Variants in VIT observed in about 807,000 individuals in gnomAD.
The protein encoded by VIT is vitrin.
A neutral mutation model predicts 78.0 loss-of-function variants in VIT; 99 were observed. That is an observed-to-expected ratio of 1.27 (90% CI 1.08 to 1.50). The LOEUF (loss-of-function observed/expected upper bound fraction) is 1.50, where lower values mean the gene tolerates loss of function less well. Among genes scored for constraint, VIT ranks in the 40% most tolerant of loss-of-function variants. The pLI, the probability that VIT is intolerant of heterozygous loss-of-function variation, is 0.00. For synonymous variants in VIT, 374 were observed against 334.3 expected, an observed-to-expected ratio of 1.12 and a Z score of -1.29; for missense variants, 1,126 against 875.3, an observed-to-expected ratio of 1.29 and a Z score of -3.61.
intron 2 of VIT, among the ~76,000 whole-genome samples, chr2:36,721,059 G>A (rs1666477511): frequency 6.6e-6 from 1 of 151,720 alleles, no homozygotes; most frequent in South Asian, 2.1e-4. Flanking sequence ...AATATGTTCT[G>A]GTGATCTAAT....
chr2:36,802,793 G>C (rs1481206211), intron 13 of VIT, among the ~76,000 whole-genome samples: 1 of 152,204 alleles, frequency 6.6e-6, no homozygotes, highest in Non-Finnish European at 1.5e-5. Flanking sequence ...GTATTGTCCA[G>C]AGTTTGGGTT....
chr2:36,761,065 G>A (rs1669088726), intron 6 of VIT, among the ~76,000 whole-genome samples: 1 of 152,112 alleles, frequency 6.6e-6, no homozygotes, highest in Non-Finnish European at 1.5e-5. Flanking sequence ...ATGAGTGGAA[G>A]AGCACTTCTA....
chr2:36,786,626 G>T (rs1045723287), intron 11 of VIT, among the ~76,000 whole-genome samples: 2 of 152,234 alleles, frequency 1.3e-5, no homozygotes, highest in Non-Finnish European at 2.9e-5. Flanking sequence ...CCAGGGAAAT[G>T]AAGGAGAAGA....
intron 4 of VIT, among the ~76,000 whole-genome samples, chr2:36,747,990 C>T (rs532276879): frequency 6.6e-6 from 1 of 152,148 alleles, no homozygotes; most frequent in African/African-American, 2.4e-5. Context: ...TGAAGCTTAG[C>T]TTGGCAGAAT....
chr2:36,710,732 A>G (rs753888844), intron 1 of VIT, among the ~76,000 whole-genome samples: 3 of 152,208 alleles, frequency 2.0e-5, no homozygotes, highest in Non-Finnish European at 4.4e-5. Context: ...TTATGTATCA[A>G]TCGTTCATTC....
At chr2:36,766,984 C>T (rs2148584961) in intron 6 of VIT, 110 bp from the exon 7 acceptor site, 1 of 1,260,394 alleles carries the variant, frequency 7.9e-7, no homozygotes, top group Middle Eastern at 2.3e-4. Flanking sequence ...CCGTGGCTAG[C>T]ACAGCTCTGT....
At chr2:36,728,034 T>G (rs1022061314) in intron 2 of VIT, among the ~76,000 whole-genome samples, 4 of 152,162 alleles carry the variant, frequency 2.6e-5, no homozygotes, top group Non-Finnish European at 5.9e-5. Flanking sequence ...GTTCAAGCGA[T>G]TCTCCTGCCT....
At chr2:36,788,066 C>A (rs942132757) in intron 12 of VIT, 14 of 277,360 alleles carry the variant, frequency 5.0e-5, no homozygotes, top group Middle Eastern at 1.3e-3. Context: ...CGTGCATAAT[C>A]TTAAATTTAT....
intron 1 of VIT, among the ~76,000 whole-genome samples, chr2:36,709,217 A>G (rs887875730): frequency 3.3e-5 from 5 of 152,162 alleles, no homozygotes; most frequent in Non-Finnish European, 7.3e-5. Context: ...AGATGGAGTA[A>G]GTGCACGTAC....
At chr2:36,765,434 A>AGGG (rs56849075) in intron 6 of VIT, among the ~76,000 whole-genome samples, 1 of 138,390 alleles carries the variant, frequency 7.2e-6, no homozygotes, top group Admixed American at 7.0e-5. Context: ...AGAGAGAGAG[A>AGGG]AAGAGAGAGA....
intron 3 of VIT, among the ~76,000 whole-genome samples, chr2:36,736,618 G>A (rs574670752): frequency 1.1e-4 from 17 of 152,322 alleles, no homozygotes; most frequent in African/African-American, 3.6e-4. Flanking sequence ...TCCATGCAAC[G>A]TGTTACTGGC....
chr2:36,704,698 C>T (rs896093743), intron 1 of VIT, among the ~76,000 whole-genome samples: 1 of 152,132 alleles, frequency 6.6e-6, no homozygotes, highest in Non-Finnish European at 1.5e-5. Context: ...CCACACCCTC[C>T]GTTTTACCCA....
chr2:36,727,168 T>C (rs1321524422), intron 2 of VIT, among the ~76,000 whole-genome samples: 3 of 151,950 alleles, frequency 2.0e-5, no homozygotes, highest in African/African-American at 7.2e-5. Flanking sequence ...TTCTCAGACA[T>C]TGTGATGAGT....
chr2:36,701,345 C>G (rs1313206478), intron 1 of VIT, among the ~76,000 whole-genome samples: 1 of 152,114 alleles, frequency 6.6e-6, no homozygotes, highest in Non-Finnish European at 1.5e-5. Context: ...AGCCAGTCTC[C>G]AAAACCTTTC....
chr2:36,785,277 C>T (rs1665015945), intron 11 of VIT, among the ~76,000 whole-genome samples: 1 of 152,174 alleles, frequency 6.6e-6, no homozygotes, highest in Admixed American at 6.5e-5. Context: ...TGTTAAAATG[C>T]ACGTCTGTCT....
intron 11 of VIT, among the ~76,000 whole-genome samples, chr2:36,786,469 T>C (rs1277796614): frequency 3.3e-5 from 5 of 152,048 alleles, no homozygotes; most frequent in Admixed American, 3.3e-4. Context: ...CCTTCATATA[T>C]CCACAGAGAT....
At chr2:36,737,931 A>G (rs1667606646) in intron 3 of VIT, among the ~76,000 whole-genome samples, 1 of 152,244 alleles carries the variant, frequency 6.6e-6, no homozygotes, top group Non-Finnish European at 1.5e-5. Context: ...TTCTTCTGAT[A>G]TGGGTGAGAA....
chr2:36,744,134 A>G (rs1345432889), intron 4 of VIT, among the ~76,000 whole-genome samples: 1 of 152,166 alleles, frequency 6.6e-6, no homozygotes, highest in Non-Finnish European at 1.5e-5. Flanking sequence ...GCAAAGGACA[A>G]AATTTGCTCT....
chr2:36,712,079 G>A (rs1665837282), intron 1 of VIT, among the ~76,000 whole-genome samples: 1 of 152,190 alleles, frequency 6.6e-6, no homozygotes, highest in Admixed American at 6.5e-5. Context: ...TGGACTGCCT[G>A]CAGAAACTGC....
Sources: gnomAD v4.1 joint callset for allele counts (sites outside exome capture counted in the v4.1 genomes callset) on GRCh38, gnomAD v4.1.1 for gene constraint, MANE v1.5 for transcripts, NCBI Gene and HGNC (gene_info 2026-07-23, HGNC 2026-07-21) for gene names.